The following ARAP2 variants were observed in gnomAD, a reference collection of about 807,000 sequenced individuals.
ARAP2 encodes ArfGAP with RhoGAP domain, ankyrin repeat and PH domain 2.
A neutral mutation model predicts 194.5 loss-of-function variants in ARAP2; 148 were observed. The observed-to-expected ratio is 0.76, with a 90% confidence interval of 0.67 to 0.87. ARAP2 has a LOEUF of 0.87. Ranked by LOEUF, ARAP2 falls within the 40% of genes least tolerant of loss-of-function variation. ARAP2 has a pLI of 0.00. For synonymous variants in ARAP2, 695 were observed against 683.5 expected (o/e 1.02, Z -0.26); for missense variants, 2,128 against 1,989.7 (o/e 1.07, Z -1.32).
chr4:36,039,507 G>T (rs1181425572), intron 5 of ARAP2, among the ~76,000 whole-genome samples: 1 of 152,086 alleles, frequency 6.6e-6, no homozygotes, highest in Non-Finnish European at 1.5e-5. Context: ...ATAGGCTTCT[G>T]CTTGTGCCCC....
chr4:36,092,273 A>G (rs777833301), intron 27 of ARAP2, among the ~76,000 whole-genome samples: 3 of 152,178 alleles, frequency 2.0e-5, no homozygotes, highest in East Asian at 3.9e-4. Flanking sequence ...GAGAGGTGCT[A>G]TAAGTATAAA....
At chr4:36,207,529 G>A (rs918679295) in intron 6 of ARAP2, among the ~76,000 whole-genome samples, 1 of 151,968 alleles carries the variant, frequency 6.6e-6, no homozygotes, top group Non-Finnish European at 1.5e-5. Context: ...ACCAAATATT[G>A]GGCAATGCTC....
At chr4:36,185,341 A>G (rs917502648) in intron 8 of ARAP2, among the ~76,000 whole-genome samples, 4 of 152,262 alleles carry the variant, frequency 2.6e-5, no homozygotes, top group East Asian at 3.9e-4. Context: ...ACTTTAAGCA[A>G]TGCACTTTGA....
intron 32 of ARAP2, among the ~76,000 whole-genome samples, chr4:36,071,693 A>AT (rs55918222): frequency 0.9 from 132,011 of 147,176 alleles, 59,178 homozygotes; most frequent in South Asian, 0.94. Context: ...TTTTTTTTTA[A>AT]TTTTTTTTCT....
At chr4:36,171,278 C>T (rs1249994432) in intron 9 of ARAP2, among the ~76,000 whole-genome samples, 1 of 151,096 alleles carries the variant, frequency 6.6e-6, no homozygotes, top group Non-Finnish European at 1.5e-5. Context: ...CCCAAATGTC[C>T]AACAACGATA....
chr4:36,237,857 C>T (rs889081221), intron 1 of ARAP2, among the ~76,000 whole-genome samples: 1 of 152,186 alleles, frequency 6.6e-6, no homozygotes, highest in Non-Finnish European at 1.5e-5. Context: ...AAGATATTCA[C>T]TCCAAGTATA....
intron 29 of ARAP2, 133 bp downstream of exon 29, chr4:36,083,235 G>A (rs921112778): frequency 3.0e-6 from 2 of 670,406 alleles, no homozygotes; most frequent in Admixed American, 3.0e-5. Context: ...TGTGACAGGG[G>A]AAGCAACTTA....
intron 9 of ARAP2, among the ~76,000 whole-genome samples, chr4:36,011,326 A>G (rs1714508800): frequency 4.6e-5 from 7 of 152,200 alleles, no homozygotes; most frequent in Admixed American, 4.6e-4. Context: ...GATGAATTAT[A>G]CAAATGTTTG....
At chr4:36,205,911 A>T (rs181467811) in intron 6 of ARAP2, among the ~76,000 whole-genome samples, 1 of 152,356 alleles carries the variant, frequency 6.6e-6, no homozygotes, top group African/African-American at 2.4e-5. Flanking sequence ...CAATGTTTAC[A>T]AGTAGCTAGT....
intron 6 of ARAP2, among the ~76,000 whole-genome samples, chr4:36,203,178 G>A (rs1027577846): frequency 2.6e-5 from 4 of 152,142 alleles, no homozygotes; most frequent in Admixed American, 6.5e-5. Flanking sequence ...TAAAACAGGA[G>A]GTTTTGGGGC....
chr4:36,089,573 T>C (rs1406643206), intron 28 of ARAP2, among the ~76,000 whole-genome samples: 2 of 152,118 alleles, frequency 1.3e-5, no homozygotes, highest in East Asian at 3.9e-4. Context: ...GGAGTTCTAA[T>C]TACTCTACAT....
At chr4:36,188,286 C>A (rs1208901378) in intron 7 of ARAP2, among the ~76,000 whole-genome samples, 1 of 152,054 alleles carries the variant, frequency 6.6e-6, no homozygotes, top group Non-Finnish European at 1.5e-5. Flanking sequence ...GTTTTCTGGG[C>A]CCCGTGTTGG....
chr4:36,083,552 T>C, intron 28 of ARAP2, 102 bp from the exon 29 acceptor site: 1 of 815,878 alleles, frequency 1.2e-6, no homozygotes, highest in Non-Finnish European at 1.9e-6. Flanking sequence ...AGTTTCTCAG[T>C]GTTTCATAAA....
intron 27 of ARAP2, among the ~76,000 whole-genome samples, chr4:36,100,354 T>C (rs1716526110): frequency 6.6e-6 from 1 of 151,788 alleles, no homozygotes. Flanking sequence ...GTCTCTCTTC[T>C]TCTCTTGCTG....
intron 7 of ARAP2, among the ~76,000 whole-genome samples, chr4:36,190,512 A>G (rs978521619): frequency 6.6e-6 from 1 of 152,216 alleles, no homozygotes; most frequent in Admixed American, 6.5e-5. Flanking sequence ...ATTTCTTGAA[A>G]TTCATTTCTT....
intron 2 of ARAP2, among the ~76,000 whole-genome samples, chr4:36,057,080 G>A (rs1359347182): frequency 2.0e-5 from 3 of 149,908 alleles, no homozygotes; most frequent in Admixed American, 6.6e-5. Context: ...CAGCTTGACT[G>A]AGGAAATCTC....
intron 1 of ARAP2, among the ~76,000 whole-genome samples, chr4:36,235,215 C>G (rs531066572): frequency 6.6e-6 from 1 of 152,306 alleles, no homozygotes; most frequent in South Asian, 2.1e-4. Context: ...CCCTCTCCCC[C>G]ACACAGTAGA....
intron 27 of ARAP2, among the ~76,000 whole-genome samples, chr4:36,096,345 G>A (rs1320776287): frequency 4.5e-5 from 6 of 132,832 alleles, no homozygotes; most frequent in Admixed American, 4.1e-4. Flanking sequence ...AGTCTGGGCG[G>A]CAGAGTGAGA....
chr4:36,134,893 T>C (rs1416726254), intron 19 of ARAP2, among the ~76,000 whole-genome samples: 1 of 151,712 alleles, frequency 6.6e-6, no homozygotes, highest in African/African-American at 2.4e-5. Flanking sequence ...ATGTCACAGA[T>C]ACTCCTTCTC....
Sources: gnomAD v4.1 joint callset for allele counts (sites outside exome capture counted in the v4.1 genomes callset) on GRCh38, gnomAD v4.1.1 for gene constraint, MANE v1.5 for transcripts, NCBI Gene and HGNC (gene_info 2026-07-23, HGNC 2026-07-21) for gene names.